NOL4: variants seen among roughly 807,000 people sequenced by gnomAD.
NOL4 encodes cancer/testis antigen 125.
NOL4 carries 17 observed loss-of-function variants against 75.9 expected under a neutral mutation model. The ratio of observed to expected loss-of-function variants is 0.22; its 90% CI spans 0.15 to 0.34. The LOEUF is 0.34. NOL4 is among the 10% of genes least tolerant of loss of function. The probability of loss-of-function intolerance (pLI) is 1.00; values close to 1 mark genes in which losing one functional copy is unlikely to be tolerated. For synonymous variants in NOL4, 292 were observed against 289.9 expected (o/e 1.01, Z -0.07); for missense variants, 614 against 793.5 (o/e 0.77, Z 2.72).
chr18:34,058,832 A>T (rs1252150773), intron 5 of NOL4, among the ~76,000 whole-genome samples: 1 of 151,976 alleles, frequency 6.6e-6, no homozygotes, highest in Non-Finnish European at 1.5e-5. Context: ...GGAAACTAAA[A>T]CAAGTTGTGT....
intron 9 of NOL4, among the ~76,000 whole-genome samples, chr18:33,928,587 T>C (rs148803156): frequency 3.9e-5 from 6 of 152,288 alleles, no homozygotes; most frequent in Admixed American, 3.3e-4. Flanking sequence ...GAGGGACCAA[T>C]ACAATGACAT....
chr18:33,959,936 AGT>A (rs140614140), intron 6 of NOL4, among the ~76,000 whole-genome samples: 156 of 148,500 alleles, frequency 1.1e-3, no homozygotes, highest in South Asian at 2.8e-3. Context: ...TTTCTTTCTA[AGT>A]GTGTGTGTGT....
In NOL4 at chr18:34,008,514, T is replaced by C. The variant is rs2074186469; in HGVS notation, c.1056+10804A>G. On this transcript the variant is annotated intron_variant, in intron 6 of 10. Coordinates refer to ENST00000261592, the MANE Select transcript of NOL4 (RefSeq NM_003787.5). ...AAAATGTAAAAATAAATATTACAGG[T>C]TAATTTTTACTTTAAAATATTTGTC... Among the ~76,000 whole-genome samples the C allele has an allele frequency of 2.0e-5, 3 of 152,038 alleles. No individual in the cohort carries two copies. The South Asian group carries it at 6.2e-4, about 32-fold the overall frequency.
chr18:34,150,251 G>A (rs574652252), intron 1 of NOL4, among the ~76,000 whole-genome samples: 1 of 151,642 alleles, frequency 6.6e-6, no homozygotes, highest in African/African-American at 2.4e-5. Context: ...CAAAAAATGT[G>A]GAAGGAAATT....
At position 34,205,543 on chromosome 18, in the gene NOL4, G is replaced by A. The variant is rs944199399; in HGVS notation, c.264+17447C>T. Among the ~76,000 whole-genome samples the A allele has an allele frequency of 7.9e-5, 12 of 152,084 alleles. No individual in the cohort carries two copies. In the East Asian group the frequency reaches 2.3e-3, roughly 29 times the overall value. Reference sequence around the variant, plus strand: ...GTTAGTATAAGACAGCCTCACCTGGGAAATTAGGTGAGTTCATCCCATGAA... The same window carrying A: ...GTTAGTATAAGACAGCCTCACCTGGAAAATTAGGTGAGTTCATCCCATGAA... On this transcript the variant is annotated intron_variant, in intron 1 of 10. Transcript: ENST00000261592.
chr18:34,152,116 C>T (rs900640029), intron 1 of NOL4, among the ~76,000 whole-genome samples: 1 of 150,830 alleles, frequency 6.6e-6, no homozygotes, highest in African/African-American at 2.4e-5. Context: ...TAAAAATCTG[C>T]CAAGGATAGG....
chr18:33,868,687 ACACACG>A, intron 10 of NOL4, among the ~76,000 whole-genome samples: 1 of 150,374 alleles, frequency 6.7e-6, no homozygotes, highest in African/African-American at 2.5e-5. Flanking sequence ...ACACACACAC[ACACACG>A]TTTATCCCAG....
chr18:34,199,525 A>G (rs2035585792), intron 1 of NOL4, among the ~76,000 whole-genome samples: 1 of 151,898 alleles, frequency 6.6e-6, no homozygotes. Flanking sequence ...TTAACTCTGA[A>G]TCCACAGCAT....
At chr18:34,070,006 G>C (rs1281990482) in intron 5 of NOL4, among the ~76,000 whole-genome samples, 1 of 152,182 alleles carries the variant, frequency 6.6e-6, no homozygotes, top group African/African-American at 2.4e-5. Context: ...TCTTCAATTA[G>C]AGCATACCTG....
chr18:33,899,639 A>T (rs1326201856), intron 9 of NOL4, among the ~76,000 whole-genome samples: 1 of 152,094 alleles, frequency 6.6e-6, no homozygotes, highest in Non-Finnish European at 1.5e-5. Context: ...GGTATTGAAA[A>T]ATCTCTATGA....
At chr18:34,111,127 T>A (rs1429118455) in intron 2 of NOL4, among the ~76,000 whole-genome samples, 1 of 152,138 alleles carries the variant, frequency 6.6e-6, no homozygotes, top group African/African-American at 2.4e-5. Context: ...GGCCCTTGTA[T>A]CACACCTTAT....
chr18:34,036,199 T>C (rs1424516225), intron 5 of NOL4, among the ~76,000 whole-genome samples: 1 of 152,094 alleles, frequency 6.6e-6, no homozygotes, highest in Non-Finnish European at 1.5e-5. Context: ...ATATTCATGA[T>C]GAACAGAGAT....
At chr18:33,892,746 C>T (rs1341986309) in intron 9 of NOL4, among the ~76,000 whole-genome samples, 2 of 152,080 alleles carry the variant, frequency 1.3e-5, no homozygotes, top group African/African-American at 4.8e-5. Context: ...CAGTCTCAAA[C>T]TCCCAGGCTC....
intron 9 of NOL4, among the ~76,000 whole-genome samples, chr18:33,895,555 T>C (rs1391260202): frequency 6.6e-6 from 1 of 152,158 alleles, no homozygotes; most frequent in Non-Finnish European, 1.5e-5. Flanking sequence ...CCATTGGTTT[T>C]ATATGTGTAT....
chr18:33,890,880 C>A (rs2065052289), intron 9 of NOL4, among the ~76,000 whole-genome samples: 1 of 151,764 alleles, frequency 6.6e-6, no homozygotes, highest in Non-Finnish European at 1.5e-5. Context: ...ATATAGGTAT[C>A]ATTAGGGTCT....
At chr18:34,120,660 A>G (rs2080097545) in intron 2 of NOL4, among the ~76,000 whole-genome samples, 1 of 152,234 alleles carries the variant, frequency 6.6e-6, no homozygotes. Flanking sequence ...AGGCAAATGC[A>G]TTCAACACAG....
Position 34,093,513 on chromosome 18 carries a change from G to C in NOL4, c.724C>G (p.Leu242Val). ...TGGGGACTTTGCATTCTTTCTTCAA[G>C]ATTGGAGCTAAGATCAGAGTTCACA... Reference protein sequence around the residue: ...SAVNSDLSSNLEERMQSPQNL... With the variant: ...SAVNSDLSSNVEERMQSPQNL... Residue 242 changes from leucine (L) to valine (V), a missense_variant, in exon 5 of 11, where the codon CTT becomes GTT. Physicochemically the swap from Leu to Val is conservative, Grantham distance 32. Around this residue, in one of 9 missense-constraint regions of NOL4, gnomAD observed 135 missense variants for 220.4 expected, o/e 0.61. Transcript: ENST00000261592. 1.9e-6 allele frequency: 3 copies of C among 1,607,712 alleles called. No homozygotes were observed. The highest frequency in any genetic ancestry group is 2.6e-6 in the Non-Finnish European group (3 of 1,176,112).
At chr18:34,113,199 T>C (rs1317947852) in intron 2 of NOL4, among the ~76,000 whole-genome samples, 3 of 152,138 alleles carry the variant, frequency 2.0e-5, no homozygotes, top group Non-Finnish European at 4.4e-5. Flanking sequence ...AGTCTGGTCT[T>C]GAACTCCTAG....
intron 9 of NOL4, among the ~76,000 whole-genome samples, chr18:33,904,066 C>T (rs2065893837): frequency 6.6e-6 from 1 of 152,018 alleles, no homozygotes; most frequent in Admixed American, 6.6e-5. Flanking sequence ...TATAATCTTG[C>T]TTTTTGGCTT....
Sources: allele counts gnomAD v4.1 joint callset (sites outside exome capture counted in the v4.1 genomes callset), GRCh38; gene constraint gnomAD v4.1.1; regional missense constraint gnomAD v4.1.1; transcripts MANE v1.5; gene names NCBI Gene and HGNC (gene_info 2026-07-23, HGNC 2026-07-21).